The following TRAPPC9 variants were observed in gnomAD, a reference collection of about 807,000 sequenced individuals.
TRAPPC9 encodes the protein IKK2 binding protein.
TRAPPC9 carries 83 observed loss-of-function variants against 124.0 expected under a neutral mutation model. The ratio of observed to expected loss-of-function variants is 0.67; its 90% CI spans 0.56 to 0.80. The LOEUF is 0.80. TRAPPC9 is among the 30% of genes least tolerant of loss of function. The pLI is 0.00. For missense variants in TRAPPC9, 1,302 were observed against 1,508.3 expected, an observed-to-expected ratio of 0.86 and a Z score of 2.27; for synonymous variants, 638 against 617.5, an observed-to-expected ratio of 1.03 and a Z score of -0.49.
At chr8:140,187,744 A>T (rs981605250) in intron 17 of TRAPPC9, among the ~76,000 whole-genome samples, 1 of 152,030 alleles carries the variant, frequency 6.6e-6, no homozygotes, top group African/African-American at 2.4e-5. Context: ...GCTCGATCAC[A>T]GCTCACTGCA....
chr8:139,988,982 C>T (rs764969423), intron 18 of TRAPPC9, 146 bp from the exon 19 acceptor site: 28 of 692,644 alleles, frequency 4.0e-5, no homozygotes, highest in Non-Finnish European at 6.0e-5. Context: ...CAGAGGATTA[C>T]GGAGACTGGT....
Position 139,786,374 on chromosome 8 carries a change from G to A in TRAPPC9, c.3056-54172C>T, listed in dbSNP as rs113337300. Among the ~76,000 whole-genome samples, 188 of 152,296 alleles carry A rather than the reference G, an allele frequency of 1.2e-3. 1 individual carries two copies. The highest frequency in any genetic ancestry group is 4.1e-3 in the African/African-American group (172 of 41,556). ...CAGCGAGACGCGAATTCACTAATCCGTTAGAGGGCCTAGGGTGAAAATGAC... is the reference window on the plus strand; with the variant it reads ...CAGCGAGACGCGAATTCACTAATCCATTAGAGGGCCTAGGGTGAAAATGAC... On this transcript the variant is annotated intron_variant, in intron 21 of 22. Transcript: ENST00000438773.
Position 139,748,494 on chromosome 8 carries a change from A to AG in TRAPPC9, c.3056-16293dup, listed in dbSNP as rs1259979343. ...ACACACAGCAGGTGTCAGAGCAGGT[A>AG]GGGGGGGCATACAGGGGTCAGAGTG... is the stretch of plus-strand genomic sequence containing the variant. On this transcript the variant is annotated intron_variant, in intron 21 of 22. Coordinates refer to ENST00000438773, the MANE Select transcript of TRAPPC9 (RefSeq NM_001160372.4). Among the ~76,000 whole-genome samples the AG allele has an allele frequency of 3.7e-4, 16 of 43,368 alleles. No individual in the cohort carries two copies. The South Asian group carries it at 3.9e-3, about 11-fold the overall frequency. The allele number at this position is 43,368 out of a possible 152,430, so 28.5% of individuals were successfully genotyped here.
At chr8:140,009,187 GA>G (rs1396170161) in intron 18 of TRAPPC9, among the ~76,000 whole-genome samples, 7 of 152,218 alleles carry the variant, frequency 4.6e-5, no homozygotes, top group African/African-American at 1.7e-4. Context: ...TGATACTTCA[GA>G]AGAACATCCA....
chr8:140,136,339 G>T (rs532354107), intron 17 of TRAPPC9, among the ~76,000 whole-genome samples: 1 of 152,312 alleles, frequency 6.6e-6, no homozygotes, highest in South Asian at 2.1e-4. Context: ...GGAGGACAGG[G>T]GCACGAGGCC....
chr8:139,851,098 A>G (rs1563862662), intron 21 of TRAPPC9, among the ~76,000 whole-genome samples: 1 of 152,230 alleles, frequency 6.6e-6, no homozygotes, highest in East Asian at 1.9e-4. Flanking sequence ...GGTTCCTTAC[A>G]CACTGTTACT....
intron 11 of TRAPPC9, among the ~76,000 whole-genome samples, chr8:140,295,600 C>A (rs2065783007): frequency 6.6e-6 from 1 of 152,226 alleles, no homozygotes; most frequent in Non-Finnish European, 1.5e-5. Context: ...ATGGATGTAG[C>A]TCAGATGATG....
intron 21 of TRAPPC9, among the ~76,000 whole-genome samples, chr8:139,843,267 A>T (rs1826856556): frequency 6.6e-6 from 1 of 152,180 alleles, no homozygotes; most frequent in African/African-American, 2.4e-5. Context: ...AGGCTCAGAA[A>T]AGTGAATTCC....
chr8:140,228,247 G>A (rs1411077856), intron 16 of TRAPPC9, among the ~76,000 whole-genome samples: 6 of 152,172 alleles, frequency 3.9e-5, no homozygotes, highest in East Asian at 1.9e-4. Context: ...GGCAACAATC[G>A]CTCAGTGGGA....
intron 15 of TRAPPC9, among the ~76,000 whole-genome samples, chr8:140,272,139 T>TGGTGATGGTGGC (rs2064935440): frequency 6.7e-6 from 1 of 149,600 alleles, no homozygotes; most frequent in African/African-American, 2.5e-5. Flanking sequence ...GCGATGGTGA[T>TGGTGATGGTGGC]GGTGATGGTG....
At chr8:140,155,135 T>C (rs2061606816) in intron 17 of TRAPPC9, among the ~76,000 whole-genome samples, 1 of 152,126 alleles carries the variant, frequency 6.6e-6, no homozygotes, top group African/African-American at 2.4e-5. Flanking sequence ...GGGCTACAAG[T>C]TAAAACGACA....
intron 21 of TRAPPC9, among the ~76,000 whole-genome samples, chr8:139,833,295 T>C (rs531522259): frequency 6.6e-6 from 1 of 152,298 alleles, no homozygotes; most frequent in African/African-American, 2.4e-5. Flanking sequence ...GACTTCCCCT[T>C]CCTTAGCTTT....
intron 4 of TRAPPC9, among the ~76,000 whole-genome samples, chr8:140,433,689 G>A (rs79695764): frequency 2.6e-5 from 4 of 152,254 alleles, no homozygotes; most frequent in East Asian, 1.9e-4. Flanking sequence ...TCAAATCAAC[G>A]TTTTTACTTT....
At chr8:139,777,908 A>G (rs184513964) in intron 21 of TRAPPC9, among the ~76,000 whole-genome samples, 19 of 152,290 alleles carry the variant, frequency 1.2e-4, no homozygotes, top group South Asian at 6.2e-4. Context: ...GCTGGAACTG[A>G]GAGTCTAGGA....
intron 1 of TRAPPC9, chr8:140,456,946 G>C: frequency 4.3e-6 from 2 of 460,848 alleles, no homozygotes; most frequent in South Asian, 9.4e-5. Context: ...ATTGGGGTGG[G>C]CTGACAGGGA....
At chr8:140,263,139 C>G (rs1009702987) in intron 15 of TRAPPC9, among the ~76,000 whole-genome samples, 6 of 152,148 alleles carry the variant, frequency 3.9e-5, no homozygotes, top group Admixed American at 3.3e-4. Context: ...GCTGAGGAGT[C>G]CAGCAAAGGC....
At chr8:140,209,291 C>T (rs1331951833) in intron 17 of TRAPPC9, among the ~76,000 whole-genome samples, 3 of 152,182 alleles carry the variant, frequency 2.0e-5, no homozygotes, top group Admixed American at 1.3e-4. Flanking sequence ...TTCACTGTTA[C>T]GCCCCCAGCA....
intron 17 of TRAPPC9, among the ~76,000 whole-genome samples, chr8:140,181,514 CTCCTGGCCTCAAGTGA>C (rs2062205093): frequency 6.6e-6 from 1 of 152,138 alleles, no homozygotes; most frequent in Non-Finnish European, 1.5e-5. Context: ...TGGTCTCAAA[CTCCTGGCCTCAAGTGA>C]TCCACCCACC....
intron 17 of TRAPPC9, among the ~76,000 whole-genome samples, chr8:140,093,035 A>T (rs1287268261): frequency 3.9e-5 from 6 of 152,012 alleles, no homozygotes; most frequent in African/African-American, 1.5e-4. Context: ...AATGAAAAAA[A>T]AAAAAAGCTT....
Sources: gnomAD v4.1 joint callset for allele counts (sites outside exome capture counted in the v4.1 genomes callset) on GRCh38, gnomAD v4.1.1 for gene constraint, MANE v1.5 for transcripts, NCBI Gene and HGNC (gene_info 2026-07-23, HGNC 2026-07-21) for gene names.